Variants in MYOM3 observed in about 807,000 individuals in gnomAD.
The protein encoded by MYOM3 is myomesin 3, also known as myomesin-3.
A neutral mutation model predicts 191.7 loss-of-function variants in MYOM3; 155 were observed. The observed-to-expected ratio is 0.81, with a 90% CI of 0.71 to 0.92. The LOEUF is 0.92. Ranked by LOEUF, MYOM3 falls within the 40% of genes least tolerant of loss-of-function variation. MYOM3 has a pLI of 0.00. For missense variants in MYOM3, 1,889 were observed against 1,890.6 expected (o/e 1.00, Z 0.02); for synonymous variants, 757 against 762.9 (o/e 0.99, Z 0.13).
At position 24,088,000 on chromosome 1, in the gene MYOM3, A is replaced by G. The variant is rs1313298664; in HGVS notation, c.1615-1173T>C. Among the ~76,000 whole-genome samples, 1 of 152,218 alleles carries G rather than the reference A, an allele frequency of 6.6e-6. No homozygotes were observed. Among genetic ancestry groups the G allele is most frequent in the Non-Finnish European group, 1.5e-5 (1 of 68,042 alleles). On this transcript the variant is annotated intron_variant, in intron 14 of 36. Transcript: ENST00000374434. This position sits in a 1 kb window ranked among gnomAD's most constrained non-coding sequence, Gnocchi z 4.5. ...AACTTGGCCAAAAGTCCTGCATCTAATAACTGGTGGATATAGTATTAAACT... is the reference window on the plus strand; with the variant it reads ...AACTTGGCCAAAAGTCCTGCATCTAGTAACTGGTGGATATAGTATTAAACT...
intron 14 of MYOM3, among the ~76,000 whole-genome samples, chr1:24,088,327 C>A (rs929551796): frequency 1.3e-5 from 2 of 152,216 alleles, no homozygotes; most frequent in African/African-American, 4.8e-5. Flanking sequence ...CACTGCTGAG[C>A]TCCTACTGTG....
intron 12 of MYOM3, 76 bp downstream of exon 12, chr1:24,090,721 T>C (rs1643808181): frequency 2.1e-6 from 3 of 1,453,918 alleles, no homozygotes; most frequent in Non-Finnish European, 2.9e-6. Flanking sequence ...GAGGGCTGGA[T>C]TGTCTCCTGT....
chr1:24,090,904 C>T lies in MYOM3; in HGVS notation c.1325G>A (p.Ser442Asn). The change falls in exon 12 of 37, where the codon AGC becomes AAC. Residue 442 changes from serine (S) to asparagine (N), a missense_variant. By Grantham distance (46) the Ser-to-Asn change is conservative. Transcript: ENST00000374434. ...GATGGCTCTCACCCGGAACCGATAG[C>T]TCTGACCTTCGACGAGGCCTTGGAT... ...CPIQGLVEGQ[S>N]YRFRVRAISR... 2 of 1,614,084 alleles carry T rather than the reference C, an allele frequency of 1.2e-6. No individual in the cohort carries two copies. Among genetic ancestry groups the T allele is most frequent in the Admixed American group, 1.7e-5 (1 of 60,026 alleles).
rs1406806501 is a variant in MYOM3 at position 24,107,982 on chromosome 1, C to T, written c.242+11G>A. The T allele has an allele frequency of 1.2e-6, 2 of 1,610,878 alleles. No homozygotes were observed. Among genetic ancestry groups the T allele is most frequent in the East Asian group, 4.5e-5 (2 of 44,772 alleles). On this transcript the variant is annotated intron_variant, in intron 3 of 36. Coordinates refer to ENST00000374434, the MANE Select transcript of MYOM3 (RefSeq NM_152372.4). ...TCAGCCACGGCTCCCTGGGAAGCTT[C>T]TCTGACTCACCAAGACAGCTCGGAG... is the stretch of plus-strand genomic sequence containing the variant.
At chr1:24,108,339 G>C (rs1644004966) in intron 2 of MYOM3, 137 bp downstream of exon 2, 1 of 992,480 alleles carries the variant, frequency 1.0e-6, no homozygotes, top group African/African-American at 1.7e-5. Flanking sequence ...TCCCCCCTCA[G>C]ACAGGGGGTT....
chr1:24,098,529 G>A (rs919011448), intron 6 of MYOM3, among the ~76,000 whole-genome samples: 2 of 152,364 alleles, frequency 1.3e-5, no homozygotes, highest in African/African-American at 2.4e-5. Context: ...CCCAGTGGAA[G>A]CCTGGGCCAG....
chr1:24,081,881 G>A, intron 18 of MYOM3, 120 bp downstream of exon 18: 1 of 983,234 alleles, frequency 1.0e-6, no homozygotes, highest in Non-Finnish European at 1.5e-6. Flanking sequence ...GATCTCGATG[G>A]CTGAGGCAGG....
At chr1:24,088,344 G>T (rs1178020142) in intron 14 of MYOM3, among the ~76,000 whole-genome samples, 1 of 152,118 alleles carries the variant, frequency 6.6e-6, no homozygotes, top group Admixed American at 6.5e-5. Context: ...TGTGTGCCAG[G>T]CTCCATTCTA....
intron 20 of MYOM3, among the ~76,000 whole-genome samples, chr1:24,079,666 A>G (rs1449235371): frequency 6.6e-6 from 1 of 152,228 alleles, no homozygotes; most frequent in Non-Finnish European, 1.5e-5. Flanking sequence ...GGCTACAAGA[A>G]GCATCCTTGT....
rs778700475 is a variant in MYOM3, at chr1:24,063,153, T to C, written c.3743A>G (p.Glu1248Gly). Residue 1248 changes from glutamate to glycine, a missense_variant, in exon 32 of 37, where the codon GAG becomes GGG. By Grantham distance (98) the Glu-to-Gly change is moderately conservative. Transcript: ENST00000374434. This position sits in a 1 kb window ranked among gnomAD's most constrained non-coding sequence, Gnocchi z 4.5. Reference sequence around the variant, plus strand: ...GTGGAACCAGGTGGTTTTCATGTACTCCACGTTGTAGTACTTGACCTTGCT... The same window carrying C: ...GTGGAACCAGGTGGTTTTCATGTACCCCACGTTGTAGTACTTGACCTTGCT... ...IFSKVKYYNVEYMKTTWFHKD... is the reference protein window; with the variant it reads ...IFSKVKYYNVGYMKTTWFHKD... 1 of 1,613,008 alleles carries C rather than the reference T, an allele frequency of 6.2e-7. No individual in the cohort carries two copies. Among genetic ancestry groups the C allele is most frequent in the Non-Finnish European group, 8.5e-7 (1 of 1,179,070 alleles).
intron 32 of MYOM3, among the ~76,000 whole-genome samples, chr1:24,062,592 C>T (rs1304873274): frequency 2.0e-5 from 3 of 152,192 alleles, no homozygotes; most frequent in Non-Finnish European, 4.4e-5. Flanking sequence ...TGGGGCCACT[C>T]AGAGAGTGGC....
chr1:24,090,681 T>C, intron 12 of MYOM3, 116 bp downstream of exon 12: 3 of 995,462 alleles, frequency 3.0e-6, no homozygotes, highest in South Asian at 3.1e-5. Context: ...AGGGCTGGGC[T>C]GTGCTTCCTC....
At chr1:24,095,077 C>T in intron 8 of MYOM3, 87 bp from the exon 9 acceptor site, 1 of 1,414,334 alleles carries the variant, frequency 7.1e-7, no homozygotes, top group Non-Finnish European at 9.6e-7. Flanking sequence ...TCTGGGGCAT[C>T]CCTTCTCTTC....
At chr1:24,107,939 G>A (rs988380905) in intron 3 of MYOM3, 54 bp downstream of exon 3, 7 of 1,500,564 alleles carry the variant, frequency 4.7e-6, no homozygotes, top group Non-Finnish European at 5.5e-6. Context: ...GCCGGGGACT[G>A]GACAGGATGG....
Position 24,068,014 on chromosome 1 carries a change from A to G in MYOM3, c.3311T>C (p.Leu1104Pro). The G allele has an allele frequency of 6.2e-7, 1 of 1,614,148 alleles. No individual in the cohort carries two copies. The highest frequency in any genetic ancestry group is 1.1e-5 in the South Asian group (1 of 91,082). Residue 1104 changes from leucine to proline, a missense_variant, in exon 27 of 37, where the codon CTG becomes CCG. Coordinates refer to ENST00000374434, the MANE Select transcript of MYOM3 (RefSeq NM_152372.4). ...TLVDDDFDKL[L>P]RKADAKRRDW... ...CCTTCTCTTAGCATCTGCCTTCCTC[A>G]GAAGCTTGTCAAAATCTGTGAACAC...
Position 24,068,305 on chromosome 1 carries a change from A to G in MYOM3, c.3213T>C (p.Ser1071=). The change falls in exon 26 of 37, where the codon TCT becomes TCC. Residue 1071 remains serine (S), a synonymous_variant. Coordinates refer to ENST00000374434, the MANE Select transcript of MYOM3 (RefSeq NM_152372.4). The part of the protein sequence containing the change: ...GLVEVIIQNL[S]EEDKGSYTAQ... Reference sequence around the variant, plus strand: ...CGGTGTACGACCCTTTGTCCTCCTCAGACAAGTTCTGGATGATCACTTCCA... The same window carrying G: ...CGGTGTACGACCCTTTGTCCTCCTCGGACAAGTTCTGGATGATCACTTCCA... 1 of 1,614,128 alleles carries G rather than the reference A, an allele frequency of 6.2e-7. No homozygotes were observed. The highest frequency in any genetic ancestry group is 8.5e-7 in the Non-Finnish European group (1 of 1,179,996).
At chr1:24,110,693 C>T (rs983512979) in intron 1 of MYOM3, among the ~76,000 whole-genome samples, 2 of 152,170 alleles carry the variant, frequency 1.3e-5, no homozygotes, top group African/African-American at 4.8e-5. Flanking sequence ...TGGGCTCCTG[C>T]TAATCATCTC....
chr1:24,072,089 C>T (rs766839192), intron 23 of MYOM3, 76 bp from the exon 24 acceptor site: 20 of 1,453,178 alleles, frequency 1.4e-5, no homozygotes, highest in Middle Eastern at 1.8e-4. Context: ...CCACAGGAGC[C>T]GTCCTAGGAT....
rs945958283 is a variant in MYOM3 at position 24,057,489 on chromosome 1, C to A, written c.4189G>T (p.Val1397Phe). The change falls in exon 37 of 37, where the codon GTC becomes TTC. Residue 1397 changes from valine (V) to phenylalanine (F), a missense_variant. Transcript: ENST00000374434. ...GTEVTITIEK[V>F]NSEDSGRYGV... ...TAGCGGCCGCTGTCTTCACTGTTGA[C>A]CTTCTCAATGGTGATGGTGACCTCT... 6.2e-7 allele frequency: 1 copy of A among 1,614,238 alleles called. No individual in the cohort carries two copies.
Sources: gnomAD v4.1 joint callset for allele counts (sites outside exome capture counted in the v4.1 genomes callset) on GRCh38, gnomAD v4.1.1 for gene constraint, Gnocchi (gnomAD v3.1) non-coding constraint, MANE v1.5 for transcripts, NCBI Gene and HGNC (gene_info 2026-07-23, HGNC 2026-07-21) for gene names.